ZNF423: variants seen among roughly 807,000 people sequenced by gnomAD.
ZNF423 encodes Ebf-associated zinc finger protein.
Under a neutral mutation model 95.8 loss-of-function variants are expected in ZNF423, and 12 were observed. That is an observed-to-expected ratio of 0.13 (90% CI 0.08 to 0.20). The LOEUF (loss-of-function observed/expected upper bound fraction) is 0.20. ZNF423 is among the 10% of genes least tolerant of loss of function. The pLI is 1.00. For missense variants in ZNF423, 1,316 were observed against 1,737.1 expected (o/e 0.76, Z 4.31); for synonymous variants, 749 against 711.9 (o/e 1.05, Z -0.83).
intron 2 of ZNF423, among the ~76,000 whole-genome samples, chr16:49,769,959 C>T (rs1164822654): frequency 1.3e-5 from 2 of 151,994 alleles, no homozygotes; most frequent in South Asian, 2.1e-4. Context: ...CCAACACAGC[C>T]GGCCCTCTCC....
chr16:49,673,556 A>G (rs2030914215), intron 3 of ZNF423, among the ~76,000 whole-genome samples: 1 of 152,242 alleles, frequency 6.6e-6, no homozygotes, highest in Non-Finnish European at 1.5e-5. Context: ...AAATTAAAGC[A>G]GGCATCTTTC....
chr16:49,696,649 C>T (rs1213731708), intron 3 of ZNF423, among the ~76,000 whole-genome samples: 1 of 152,024 alleles, frequency 6.6e-6, no homozygotes, highest in East Asian at 1.9e-4. Context: ...ACCTACCCAC[C>T]CCCACCCGGC....
chr16:49,545,761 G>A (rs946368606), intron 5 of ZNF423, among the ~76,000 whole-genome samples: 21 of 152,286 alleles, frequency 1.4e-4, no homozygotes, highest in Admixed American at 3.3e-4. Context: ...GACTGGGCTC[G>A]CTGAGTTAAT....
intron 5 of ZNF423, among the ~76,000 whole-genome samples, chr16:49,597,586 A>G (rs910467654): frequency 1.3e-5 from 2 of 151,738 alleles, no homozygotes; most frequent in Non-Finnish European, 2.9e-5. Context: ...CTCGAATCCT[A>G]TTTCCTTTGG....
At chr16:49,634,827 G>A (rs1367043468) in intron 4 of ZNF423, among the ~76,000 whole-genome samples, 1 of 152,286 alleles carries the variant, frequency 6.6e-6, no homozygotes, top group East Asian at 1.9e-4. Flanking sequence ...CCCAAGGCCT[G>A]TGTGGGCCCA....
At chr16:49,524,812 C>T (rs900042356) in intron 6 of ZNF423, among the ~76,000 whole-genome samples, 3 of 152,206 alleles carry the variant, frequency 2.0e-5, no homozygotes, top group Admixed American at 6.5e-5. Flanking sequence ...AGGAGGGGGC[C>T]GGCAGAGCCC....
chr16:49,857,368 C>T (rs2035382982), upstream of ZNF423, among the ~76,000 whole-genome samples: 2 of 151,060 alleles, frequency 1.3e-5, no homozygotes, highest in East Asian at 3.9e-4. This position sits in a 1 kb window ranked among gnomAD's most constrained non-coding sequence, Gnocchi z 6.2. Context: ...GCACGCGGGG[C>T]CGGGGCTCGG....
At chr16:49,765,924 G>A (rs958313176) in intron 2 of ZNF423, among the ~76,000 whole-genome samples, 5 of 152,160 alleles carry the variant, frequency 3.3e-5, no homozygotes, top group Admixed American at 6.5e-5. Context: ...GGGCCTAGGC[G>A]ACGGGGAATG....
intron 2 of ZNF423, among the ~76,000 whole-genome samples, chr16:49,770,196 G>T (rs983031045): frequency 1.1e-5 from 1 of 91,952 alleles, no homozygotes; most frequent in Admixed American, 1.2e-4. Flanking sequence ...ATGAATAAAA[G>T]AATGAACGAA....
chr16:49,508,202 T>A (rs557382038), intron 7 of ZNF423, among the ~76,000 whole-genome samples: 2 of 152,178 alleles, frequency 1.3e-5, no homozygotes, highest in African/African-American at 4.8e-5. Context: ...TGACTCTTTA[T>A]GATGATGGAA....
chr16:49,826,678 A>G (rs2035008614), intron 1 of ZNF423: 1 of 152,214 alleles, frequency 6.6e-6, no homozygotes, highest in Non-Finnish European at 1.5e-5. Flanking sequence ...CATGTTCACC[A>G]TTACAGGGAA....
At chr16:49,748,823 C>T (rs953390658) in intron 2 of ZNF423, among the ~76,000 whole-genome samples, 4 of 152,152 alleles carry the variant, frequency 2.6e-5, no homozygotes, top group Admixed American at 6.5e-5. Flanking sequence ...GGGGGAAGGT[C>T]ACTGCTAGAG....
chr16:49,823,098 G>A (rs1446080479), intron 1 of ZNF423, among the ~76,000 whole-genome samples: 4 of 152,166 alleles, frequency 2.6e-5, no homozygotes, highest in Non-Finnish European at 5.9e-5. Context: ...GCCTGTGATC[G>A]ACCTTGAACT....
intron 4 of ZNF423, among the ~76,000 whole-genome samples, chr16:49,630,422 G>T (rs981469420): frequency 4.6e-5 from 7 of 152,144 alleles, no homozygotes; most frequent in Admixed American, 4.6e-4. Context: ...TGAATGGAAT[G>T]AGTGAATTAA....
intron 4 of ZNF423, among the ~76,000 whole-genome samples, chr16:49,630,413 G>T (rs967987800): frequency 5.3e-5 from 8 of 152,106 alleles, no homozygotes; most frequent in African/African-American, 2.4e-5. Context: ...ATGAACGAAT[G>T]AATGGAATGA....
chr16:49,678,682 C>A (rs1011018273), intron 3 of ZNF423, among the ~76,000 whole-genome samples: 4 of 152,202 alleles, frequency 2.6e-5, no homozygotes, highest in Admixed American at 2.6e-4. Flanking sequence ...CTGGGAACAA[C>A]CTCCAGCTCA....
intron 1 of ZNF423, chr16:49,853,725 T>A: frequency 1.0e-6 from 1 of 985,378 alleles, no homozygotes; most frequent in Non-Finnish European, 1.2e-6. Flanking sequence ...GACCAATTCT[T>A]GAGTCCTTCT....
chr16:49,644,436 T>A (rs1290194733), intron 3 of ZNF423, among the ~76,000 whole-genome samples: 9 of 149,974 alleles, frequency 6.0e-5, no homozygotes, highest in African/African-American at 2.2e-4. Context: ...GGGAGGATCG[T>A]TTGAGGTCAG....
At position 49,651,124 on chromosome 16, in the gene ZNF423, G is replaced by A. The variant is rs532509257; in HGVS notation, c.302-12250C>T. Among the ~76,000 whole-genome samples the A allele has an allele frequency of 1.5e-3, 230 of 151,714 alleles. 2 individuals are homozygous for A. The highest frequency in any genetic ancestry group is 4.6e-3 in the African/African-American group (189 of 41,376). On this transcript the variant is annotated intron_variant, in intron 3 of 7. Coordinates refer to ENST00000563137, the MANE Select transcript of ZNF423 (RefSeq NM_001379286.1). Reference sequence around the variant, plus strand: ...CAGACTCAACCTCCTGGGCTCAAGCGATCCTCCTGCCTCAGCTTCCCAAGT... The same window carrying A: ...CAGACTCAACCTCCTGGGCTCAAGCAATCCTCCTGCCTCAGCTTCCCAAGT...
Sources: allele counts gnomAD v4.1 joint callset (sites outside exome capture counted in the v4.1 genomes callset), GRCh38; gene constraint gnomAD v4.1.1; non-coding constraint Gnocchi (gnomAD v3.1); transcripts MANE v1.5; gene names NCBI Gene and HGNC (gene_info 2026-07-23, HGNC 2026-07-21).